Variants in NUP155 observed in about 807,000 individuals in gnomAD.
The protein encoded by NUP155 is nucleoporin 155.
NUP155 carries 71 observed loss-of-function variants against 180.4 expected under a neutral mutation model. The ratio of observed to expected loss-of-function variants is 0.39; its 90% CI spans 0.33 to 0.48. The LOEUF (loss-of-function observed/expected upper bound fraction) is 0.48. Among genes scored for constraint, NUP155 ranks in the 20% least tolerant of loss-of-function variants. The pLI is 0.91. For synonymous variants in NUP155, 582 were observed against 559.5 expected, an observed-to-expected ratio of 1.04 and a Z score of -0.57; for missense variants, 1,553 against 1,648.9, an observed-to-expected ratio of 0.94 and a Z score of 1.01.
chr5:37,292,747 G>T (rs935909127), intron 34 of NUP155, 132 bp downstream of exon 34: 4 of 662,098 alleles, frequency 6.0e-6, no homozygotes, highest in Non-Finnish European at 1.1e-5. Flanking sequence ...CATACATGGT[G>T]ATCAATATCA....
chr5:37,358,830 A>C (rs1747015285), intron 3 of NUP155, among the ~76,000 whole-genome samples: 1 of 152,130 alleles, frequency 6.6e-6, no homozygotes, highest in Non-Finnish European at 1.5e-5. Flanking sequence ...CATCCTGGCC[A>C]ATGTGGTGAA....
chr5:37,342,007 C>A (rs1316757565), intron 10 of NUP155, among the ~76,000 whole-genome samples: 1 of 152,152 alleles, frequency 6.6e-6, no homozygotes, highest in African/African-American at 2.4e-5. Flanking sequence ...AAATGTCAGC[C>A]ACTGCGCCTT....
At chr5:37,304,188 T>C (rs1743020465) in intron 27 of NUP155, among the ~76,000 whole-genome samples, 1 of 140,238 alleles carries the variant, frequency 7.1e-6, no homozygotes, top group Admixed American at 8.0e-5. Flanking sequence ...AGGCGGAGGT[T>C]GCAGTGAGCT....
At chr5:37,340,662 T>C (rs899357360) in intron 11 of NUP155, among the ~76,000 whole-genome samples, 1 of 152,148 alleles carries the variant, frequency 6.6e-6, no homozygotes, top group Non-Finnish European at 1.5e-5. Context: ...TTTCAACAAA[T>C]GGTGCTCAGA....
rs1472884326 is a variant in NUP155 at position 37,291,649 on chromosome 5, T to C, written c.*251A>G. 5.6e-6 allele frequency: 2 copies of C among 354,646 alleles called. No homozygotes were observed. Among genetic ancestry groups the C allele is most frequent in the Non-Finnish European group, 1.0e-5 (2 of 193,350 alleles). The allele number at this position is 354,646 out of a possible 1,614,324, so 22.0% of individuals were successfully genotyped here. On this transcript the variant is annotated 3_prime_UTR_variant, in exon 35 of 35. Coordinates refer to ENST00000231498, the MANE Select transcript of NUP155 (RefSeq NM_153485.3). ...AATTCAAAATAAGAGTTTCTAAATT[T>C]TTTTAATCCTTATGTTAAAATAATA...
intron 28 of NUP155, 118 bp from the exon 29 acceptor site, chr5:37,303,026 G>GA (rs1026133452): frequency 9.0e-5 from 108 of 1,205,412 alleles, no homozygotes; most frequent in Non-Finnish European, 1.2e-4. Flanking sequence ...TCTGAAACTT[G>GA]AAAAAAAATC....
chr5:37,347,353 C>A (rs1370231898), intron 9 of NUP155, among the ~76,000 whole-genome samples: 1 of 152,158 alleles, frequency 6.6e-6, no homozygotes, highest in Non-Finnish European at 1.5e-5. Flanking sequence ...CTGTACTTTA[C>A]GTAGTAAAAC....
chr5:37,292,906 T>C lies in NUP155; in HGVS notation c.4010A>G (p.Asn1337Ser), dbSNP rs748629905. 6.8e-6 allele frequency: 11 copies of C among 1,611,370 alleles called. No individual in the cohort carries two copies. In the East Asian group the frequency reaches 2.2e-4, roughly 33 times the overall value. The change falls in exon 34 of 35, where the codon AAT (asparagine) becomes AGT (serine). Residue 1337 changes from asparagine (N) to serine (S), a missense_variant. Coordinates refer to ENST00000231498, the MANE Select transcript of NUP155 (RefSeq NM_153485.3). ...TTCACAATTTAAAACTTGGCTGGGA[T>C]TCTCAACATATCTTATCAATAATAC... The part of the protein sequence containing the change: ...IHVLLIRYVE[N>S]PSQVLNCERR...
chr5:37,329,584 G>A (rs1182664256), intron 15 of NUP155, among the ~76,000 whole-genome samples: 1 of 152,162 alleles, frequency 6.6e-6, no homozygotes, highest in Admixed American at 6.5e-5. Flanking sequence ...CTAGGTTATG[G>A]TTAGATAGTA....
In NUP155 at chr5:37,289,708, T is replaced by C. The variant is rs1742153359; in HGVS notation, c.*2192A>G. ...GCCCTTTTAAAACATGTACTTTCAATGTTGTGAGCTGAGTATATATAACAA... is the reference window on the plus strand; with the variant it reads ...GCCCTTTTAAAACATGTACTTTCAACGTTGTGAGCTGAGTATATATAACAA... On this transcript the variant is annotated 3_prime_UTR_variant, in exon 35 of 35. Transcript: ENST00000231498. 1 of 152,210 alleles carries C rather than the reference T, an allele frequency of 6.6e-6. No individual in the cohort carries two copies. The highest frequency in any genetic ancestry group is 1.5e-5 in the Non-Finnish European group (1 of 68,034). 9.4% of individuals were successfully genotyped at this position (152,210 alleles called of 1,614,324 possible).
At chr5:37,294,026 A>AAAAAAAAAAAAAAAAAAT in intron 33 of NUP155, among the ~76,000 whole-genome samples, 1 of 76,068 alleles carries the variant, frequency 1.3e-5, no homozygotes, top group African/African-American at 3.8e-4. Flanking sequence ...AAAAAAAAAA[A>AAAAAAAAAAAAAAAAAAT]AATAAAGCAA....
intron 22 of NUP155, among the ~76,000 whole-genome samples, chr5:37,311,185 A>G (rs1490089406): frequency 1.3e-5 from 2 of 152,196 alleles, no homozygotes; most frequent in East Asian, 1.9e-4. Flanking sequence ...ATGAAGCTCT[A>G]AAGTATTGAT....
Position 37,327,730 on chromosome 5 carries a change from G to A in NUP155, c.1923C>T (p.Asn641=), listed in dbSNP as rs201172703. 6.2e-7 allele frequency: 1 copy of A among 1,614,068 alleles called. No homozygotes were observed. The highest frequency in any genetic ancestry group is 8.5e-7 in the Non-Finnish European group (1 of 1,179,992). Residue 641 remains asparagine (N), a synonymous_variant, in exon 18 of 35, where the codon AAC becomes AAT. Coordinates refer to ENST00000231498, the MANE Select transcript of NUP155 (RefSeq NM_153485.3). ...TCATATTTGTGGCCTGAGTTGCTGG[G>A]TTTCCCAGAGCACACACTGGAGTTG... ...AMSTPVCALG[N]PATQATNMSC...
intron 19 of NUP155, 64 bp downstream of exon 19, chr5:37,325,837 A>T (rs1581163854): frequency 1.0e-6 from 1 of 1,000,798 alleles, no homozygotes; most frequent in East Asian, 2.4e-5. Context: ...ATGTGAAACA[A>T]TCTAACCATT....
chr5:37,305,302 A>ATT, intron 25 of NUP155, 92 bp from the exon 26 acceptor site: 1 of 1,118,132 alleles, frequency 8.9e-7, no homozygotes, highest in South Asian at 1.3e-5. Flanking sequence ...TGCCAGCCAT[A>ATT]GGGAAGTCAA....
chr5:37,302,938 C>T (rs1370064388), intron 28 of NUP155, 30 bp from the exon 29 acceptor site: 1 of 1,610,674 alleles, frequency 6.2e-7, no homozygotes, highest in Admixed American at 1.7e-5. Context: ...TTTTTAGTTA[C>T]ACAATTTCTT....
chr5:37,300,253 T>C (rs1025214065), intron 30 of NUP155, among the ~76,000 whole-genome samples: 4 of 152,242 alleles, frequency 2.6e-5, no homozygotes, highest in African/African-American at 9.6e-5. Flanking sequence ...TCATGGAGAA[T>C]GTCTATTCCT....
chr5:37,315,628 G>A (rs1417293486), intron 21 of NUP155, among the ~76,000 whole-genome samples: 2 of 150,078 alleles, frequency 1.3e-5, no homozygotes, highest in Non-Finnish European at 2.9e-5. Flanking sequence ...GAACCCTTGT[G>A]CATTGCTACT....
chr5:37,338,317 C>CAAA (rs530524699), intron 11 of NUP155, among the ~76,000 whole-genome samples: 5 of 65,052 alleles, frequency 7.7e-5, no homozygotes, highest in Admixed American at 1.9e-4. Context: ...GATTCCGTCT[C>CAAA]AAAAAAAAAA....
Sources: gnomAD v4.1 joint callset for allele counts (sites outside exome capture counted in the v4.1 genomes callset) on GRCh38, gnomAD v4.1.1 for gene constraint, MANE v1.5 for transcripts, NCBI Gene and HGNC (gene_info 2026-07-23, HGNC 2026-07-21) for gene names.